Variants in BMS1 observed in about 807,000 individuals in gnomAD.
BMS1 encodes the protein BMS1 ribosome biogenesis factor.
In BMS1, 53 loss-of-function variants were observed where a neutral mutation model predicts 138.7. That is an observed-to-expected ratio of 0.38 (90% CI 0.31 to 0.48). BMS1 has a LOEUF of 0.48. Ranked by LOEUF, BMS1 falls within the 20% of genes least tolerant of loss-of-function variation. The pLI is 0.97. For missense variants in BMS1, 1,360 were observed against 1,565.5 expected (o/e 0.87, Z 2.22); for synonymous variants, 504 against 539.9 (o/e 0.93, Z 0.92).
Position 42,817,646 on chromosome 10 carries a change from G to A in BMS1, c.2580+152G>A, listed in dbSNP as rs1381179104. The A allele has an allele frequency of 7.2e-6, 5 of 695,998 alleles. No homozygotes were observed. The East Asian group carries it at 8.8e-5, about 12-fold the overall frequency. 43.1% of individuals were successfully genotyped at this position (695,998 alleles called of 1,614,324 possible). ...GACTCCTGGGTAGAGATGCATGTGA[G>A]TGTGTTTATTCATGCAGTGAGCTCA... On this transcript the variant is annotated intron_variant, in intron 15 of 22. Coordinates refer to ENST00000374518, the MANE Select transcript of BMS1 (RefSeq NM_014753.4).
intron 7 of BMS1, 104 bp from the exon 8 acceptor site, chr10:42,792,853 T>C (rs1335537152): frequency 4.3e-6 from 6 of 1,379,922 alleles, no homozygotes; most frequent in East Asian, 4.6e-5. Context: ...TTTAGTGTTA[T>C]GGGTTAAGCC....
chr10:42,811,611 G>T, intron 13 of BMS1, among the ~76,000 whole-genome samples: 1 of 124,470 alleles, frequency 8.0e-6, no homozygotes, highest in Non-Finnish European at 1.6e-5. Context: ...TGCAAGCTCC[G>T]CCTCCTGGGT....
chr10:42,823,811 G>A (rs551897615), intron 21 of BMS1, 27 bp downstream of exon 21: 29 of 1,495,198 alleles, frequency 1.9e-5, no homozygotes, highest in Non-Finnish European at 2.6e-5. Flanking sequence ...TGTTAGTGGA[G>A]ATGAAGCCTG....
chr10:42,830,543 G>A (rs1422531718), intron 22 of BMS1, 121 bp downstream of exon 22: 1 of 1,329,610 alleles, frequency 7.5e-7, no homozygotes, highest in African/African-American at 1.5e-5. Context: ...AAAGTCAGAG[G>A]AAGAGCCAGA....
intron 13 of BMS1, among the ~76,000 whole-genome samples, chr10:42,809,311 GTT>G (rs1842100423): frequency 6.6e-6 from 1 of 151,918 alleles, no homozygotes; most frequent in South Asian, 2.1e-4. Context: ...GTTTTGTTTT[GTT>G]TTGTCTTTGT....
At chr10:42,821,257 A>G (rs1280371972) in intron 18 of BMS1, among the ~76,000 whole-genome samples, 2 of 152,076 alleles carry the variant, frequency 1.3e-5, no homozygotes, top group African/African-American at 4.8e-5. Flanking sequence ...AGCAGTGCTC[A>G]CCATGTGCTA....
Position 42,817,450 on chromosome 10 carries a change from A to T in BMS1, c.2536A>T (p.Thr846Ser). 6.2e-7 allele frequency: 1 copy of T among 1,606,446 alleles called. No individual in the cohort carries two copies. The highest frequency in any genetic ancestry group is 1.1e-5 in the South Asian group (1 of 89,478). ...TGCAGAATATGATGAAGGAGAAAGC[A>T]CATATTTTGATGATCTTAAAGGAGA... ...FDAEYDEGES[T>S]YFDDLKGEMQ... is the part of the protein sequence containing the mutation. The change falls in exon 15 of 23, where the codon ACA becomes TCA. Residue 846 changes from threonine (T) to serine (S), a missense_variant. Thr to Ser is a moderately conservative substitution (Grantham distance 58). Around this residue, in one of 3 missense-constraint regions of BMS1, gnomAD observed 425 missense variants for 568.3 expected, o/e 0.75. Coordinates refer to ENST00000374518, the MANE Select transcript of BMS1 (RefSeq NM_014753.4).
In BMS1 at chr10:42,783,120, C is replaced by T. The variant is rs3758515; in HGVS notation, c.-34+290C>T. Among the ~76,000 whole-genome samples the T allele has an allele frequency of 9.7e-3, 1,480 of 152,054 alleles. 56 individuals carry two copies. In the East Asian group the frequency reaches 0.11, roughly 11 times the overall value. On this transcript the variant is annotated intron_variant, in intron 1 of 22. Coordinates refer to ENST00000374518, the MANE Select transcript of BMS1 (RefSeq NM_014753.4). ...TAGACCTGAGCTGGATCTGTTGACC[C>T]CAAATTGTGCTTTTCCCACCAAGAA...
intron 13 of BMS1, among the ~76,000 whole-genome samples, chr10:42,812,274 T>TC (rs1842206254): frequency 6.6e-6 from 1 of 152,200 alleles, no homozygotes; most frequent in Non-Finnish European, 1.5e-5. Context: ...ACCTCCTGAA[T>TC]AGCTGGTACT....
intron 13 of BMS1, among the ~76,000 whole-genome samples, chr10:42,809,878 T>G (rs1258223395): frequency 2.6e-5 from 4 of 152,020 alleles, no homozygotes; most frequent in Non-Finnish European, 4.4e-5. Context: ...ATCGACCTCC[T>G]ATGCTCCAGT....
chr10:42,810,560 G>C (rs1842142900), intron 13 of BMS1, among the ~76,000 whole-genome samples: 1 of 152,212 alleles, frequency 6.6e-6, no homozygotes, highest in African/African-American at 2.4e-5. Flanking sequence ...TTCTGGAAGA[G>C]TTTGTATAGA....
At chr10:42,794,080 T>G in intron 9 of BMS1, 89 bp downstream of exon 9, 1 of 1,434,936 alleles carries the variant, frequency 7.0e-7, no homozygotes, top group African/African-American at 1.4e-5. Flanking sequence ...CACATTTCGG[T>G]GGGATTCATT....
In BMS1 at chr10:42,785,519, G is replaced by A. The variant is rs1841300190; in HGVS notation, c.214G>A (p.Val72Met). The A allele has an allele frequency of 6.2e-7, 1 of 1,613,114 alleles. No individual in the cohort carries two copies. Among genetic ancestry groups the A allele is most frequent in the South Asian group, 1.1e-5 (1 of 90,924 alleles). The change falls in exon 3 of 23, where the codon GTG (valine) becomes ATG (methionine). Residue 72 changes from valine to methionine, a missense_variant. By Grantham distance (21) the Val-to-Met change is conservative. Coordinates refer to ENST00000374518, the MANE Select transcript of BMS1 (RefSeq NM_014753.4). The stretch of plus-strand genomic sequence containing the variant: ...GAAGACAAAAAAGCATCATATTCCA[G>A]TGGTTGATCGAACTCCACTAGAGCC... The part of the protein sequence containing the change: ...DLKTKKHHIP[V>M]VDRTPLEPPP...
intron 2 of BMS1, 145 bp downstream of exon 2, chr10:42,784,715 T>C: frequency 2.1e-6 from 2 of 952,286 alleles, no homozygotes; most frequent in Non-Finnish European, 2.9e-6. Flanking sequence ...CACTAAAACG[T>C]GAGAAGCTTT....
intron 13 of BMS1, among the ~76,000 whole-genome samples, chr10:42,802,823 T>C (rs1841911398): frequency 6.6e-6 from 1 of 151,512 alleles, no homozygotes; most frequent in African/African-American, 2.4e-5. Context: ...TTTATTATTA[T>C]CATACCATTA....
Position 42,830,895 on chromosome 10 carries a change from G to T in BMS1, c.3648G>T (p.Thr1216=). ...KILALLDALS[T]VHSQKMKKAK... ...TTGCACTGCTGGATGCTCTGAGTAC[G>T]GTGCATAGTCAGAAGATGAAGAAGG... is the stretch of plus-strand genomic sequence containing the variant. The change falls in exon 23 of 23, where the codon ACG becomes ACT. Residue 1216 remains threonine, a synonymous_variant. Transcript: ENST00000374518. 6.2e-7 allele frequency: 1 copy of T among 1,612,016 alleles called. No individual in the cohort carries two copies. Among genetic ancestry groups the T allele is most frequent in the Non-Finnish European group, 8.5e-7 (1 of 1,179,228 alleles).
chr10:42,793,910 T>C lies in BMS1; in HGVS notation c.1148T>C (p.Ile383Thr), dbSNP rs762318871. The C allele has an allele frequency of 2.5e-6, 4 of 1,611,982 alleles. No homozygotes were observed. The highest frequency in any genetic ancestry group is 3.4e-6 in the Non-Finnish European group (4 of 1,179,826). Residue 383 changes from isoleucine to threonine, a missense_variant, in exon 9 of 23, where the codon ATT (isoleucine) becomes ACT (threonine). By Grantham distance (89) the Ile-to-Thr change is moderately conservative. This residue lies in a region of BMS1 where 697 missense variants were observed against 686.2 expected (regional missense o/e 1.02). Transcript: ENST00000374518. ...VQSLISTHSTIDAKMASSRVT... is the reference protein window; with the variant it reads ...VQSLISTHSTTDAKMASSRVT... Reference sequence around the variant, plus strand: ...AGTCTCATCTCTACCCACTCCACCATTGATGCCAAGATGGCTTCAAGTCGA... The same window carrying C: ...AGTCTCATCTCTACCCACTCCACCACTGATGCCAAGATGGCTTCAAGTCGA...
rs765555590 is a variant in BMS1, at chr10:42,820,355, C to T, written c.2700C>T (p.Asn900=). Residue 900 remains asparagine (N), a synonymous_variant, in exon 16 of 23, where the codon AAC becomes AAT. Coordinates refer to ENST00000374518, the MANE Select transcript of BMS1 (RefSeq NM_014753.4). The part of the protein sequence containing the change: ...IENVPCEFVQ[N]FDPHYPIILG... ...ATGTTCCCTGTGAATTTGTGCAGAA[C>T]TTTGACCCCCATTACCCCATTATCC... The T allele has an allele frequency of 3.1e-6, 5 of 1,613,762 alleles. No individual in the cohort carries two copies. In the South Asian group the frequency reaches 5.5e-5, roughly 18 times the overall value.
chr10:42,802,253 C>A, intron 13 of BMS1, 35 bp downstream of exon 13: 1 of 1,560,324 alleles, frequency 6.4e-7, no homozygotes, highest in Non-Finnish European at 8.8e-7. Flanking sequence ...GGAAGACTGG[C>A]TTCTCTAAAC....
Sources: gnomAD v4.1 joint callset for allele counts (sites outside exome capture counted in the v4.1 genomes callset) on GRCh38, gnomAD v4.1.1 for gene constraint, gnomAD v4.1.1 regional missense constraint, MANE v1.5 for transcripts, NCBI Gene and HGNC (gene_info 2026-07-23, HGNC 2026-07-21) for gene names.